The following PACRG variants were observed in gnomAD, a reference collection of about 807,000 sequenced individuals.
The protein encoded by PACRG is parkin coregulated gene protein.
PACRG carries 29 observed loss-of-function variants against 29.7 expected under a neutral mutation model. That is an observed-to-expected ratio of 0.98 (90% CI 0.73 to 1.33). The LOEUF (loss-of-function observed/expected upper bound fraction) is 1.33. Ranked by LOEUF, PACRG falls within the 40% of genes most tolerant of loss-of-function variation. The pLI is 0.00. For missense variants in PACRG, 279 were observed against 316.2 expected (o/e 0.88, Z 0.89); for synonymous variants, 116 against 118.7 (o/e 0.98, Z 0.15).
intron 2 of PACRG, among the ~76,000 whole-genome samples, chr6:162,881,290 C>G (rs946661615): frequency 6.6e-6 from 1 of 152,180 alleles, no homozygotes; most frequent in East Asian, 1.9e-4. Flanking sequence ...CTTAATGAAC[C>G]TGTTTTCCTT....
intron 1 of PACRG, among the ~76,000 whole-genome samples, chr6:162,729,932 T>G (rs1779623378): frequency 6.6e-6 from 1 of 152,144 alleles, no homozygotes; most frequent in Non-Finnish European, 1.5e-5. Context: ...TTGAGATCCA[T>G]TATCTTCTCT....
At chr6:162,764,829 T>G (rs1782656110) in intron 1 of PACRG, among the ~76,000 whole-genome samples, 1 of 151,818 alleles carries the variant, frequency 6.6e-6, no homozygotes, top group Non-Finnish European at 1.5e-5. Context: ...GTGCAACCTC[T>G]GCTTCCTGGG....
At chr6:162,959,959 A>C (rs538047525) in intron 2 of PACRG, among the ~76,000 whole-genome samples, 342 of 152,294 alleles carry the variant, frequency 2.2e-3, no homozygotes, top group Non-Finnish European at 3.5e-3. Flanking sequence ...CATAAACAGA[A>C]ACTTCTCAAA....
chr6:163,074,998 GTA>G (rs1052444692), intron 3 of PACRG, among the ~76,000 whole-genome samples: 1 of 151,202 alleles, frequency 6.6e-6, no homozygotes, highest in Non-Finnish European at 1.5e-5. Context: ...GTCTCAAAAA[GTA>G]TATATATATA....
At chr6:163,169,522 G>A (rs960448576) in intron 4 of PACRG, among the ~76,000 whole-genome samples, 1 of 152,244 alleles carries the variant, frequency 6.6e-6, no homozygotes, top group Non-Finnish European at 1.5e-5. Context: ...ACTGACCAGG[G>A]ATGGGGGAAT....
chr6:163,129,043 T>C (rs749232177), intron 4 of PACRG, among the ~76,000 whole-genome samples: 1 of 149,578 alleles, frequency 6.7e-6, no homozygotes, highest in Middle Eastern at 3.4e-3. Context: ...CTAAAACCCA[T>C]TGATGATTGT....
At chr6:163,212,020 G>T (rs1332222314) in intron 4 of PACRG, among the ~76,000 whole-genome samples, 2 of 152,072 alleles carry the variant, frequency 1.3e-5, no homozygotes, top group South Asian at 4.1e-4. Context: ...CCTGCAAGTG[G>T]GATCAGAATA....
intron 2 of PACRG, among the ~76,000 whole-genome samples, chr6:163,010,691 A>G (rs1051138519): frequency 6.6e-6 from 1 of 152,222 alleles, no homozygotes; most frequent in African/African-American, 2.4e-5. Context: ...AGCATCCACC[A>G]GGATTCTGAA....
intron 3 of PACRG, among the ~76,000 whole-genome samples, chr6:163,088,699 A>T (rs1011263122): frequency 6.6e-6 from 1 of 151,334 alleles, no homozygotes; most frequent in African/African-American, 2.4e-5. Context: ...ACTTTAAAAA[A>T]TTTTGCTTTT....
intron 1 of PACRG, among the ~76,000 whole-genome samples, chr6:162,748,531 T>C (rs1049989301): frequency 3.3e-5 from 5 of 152,080 alleles, no homozygotes; most frequent in African/African-American, 1.2e-4. Flanking sequence ...AAAAAACTTG[T>C]ATTCAGTTTA....
intron 2 of PACRG, among the ~76,000 whole-genome samples, chr6:162,944,848 A>G (rs1490529437): frequency 2.6e-5 from 4 of 152,122 alleles, no homozygotes; most frequent in Admixed American, 2.0e-4. Context: ...AAGTGTCCAA[A>G]TATTTGAAAT....
chr6:163,036,403 C>A (rs1288451912), intron 2 of PACRG, among the ~76,000 whole-genome samples: 1 of 152,156 alleles, frequency 6.6e-6, no homozygotes, highest in Non-Finnish European at 1.5e-5. Context: ...TAACACATAA[C>A]CCTGGAATGA....
rs767222690 is a variant in PACRG at position 163,269,867 on chromosome 6, G to GAGAAAGAA, written c.614-44942_614-44935dup. Among the ~76,000 whole-genome samples, 11 of 56,740 alleles carry GAGAAAGAA rather than the reference G, an allele frequency of 1.9e-4. 2 individuals carry two copies. Among genetic ancestry groups the GAGAAAGAA allele is most frequent in the African/African-American group, 9.1e-4 (11 of 12,086 alleles). The allele number at this position is 56,740 out of a possible 152,430, so 37.2% of individuals were successfully genotyped here. ...AAAGAAAGAAAGAAAGAGAAAGAAA[G>GAGAAAGAA]AGAAAGAAAGAAAGAAAGAAAGAAA... On this transcript the variant is annotated intron_variant, in intron 4 of 4. Transcript: ENST00000366888.
intron 2 of PACRG, among the ~76,000 whole-genome samples, chr6:163,021,290 C>A (rs1806592449): frequency 6.6e-6 from 1 of 152,180 alleles, no homozygotes; most frequent in African/African-American, 2.4e-5. Context: ...CATGTTGGCC[C>A]CCATCTGGGT....
intron 2 of PACRG, among the ~76,000 whole-genome samples, chr6:162,950,170 TA>T (rs1419194400): frequency 6.6e-6 from 1 of 152,194 alleles, no homozygotes; most frequent in African/African-American, 2.4e-5. Flanking sequence ...TTTTATGTAT[TA>T]ACTTTTACTG....
At chr6:163,073,079 C>T (rs1304856808) in intron 3 of PACRG, among the ~76,000 whole-genome samples, 1 of 152,172 alleles carries the variant, frequency 6.6e-6, no homozygotes, top group East Asian at 1.9e-4. Context: ...CTATGACATT[C>T]TTCACAGAAA....
At chr6:163,184,394 A>G (rs904160593) in intron 4 of PACRG, among the ~76,000 whole-genome samples, 1 of 152,210 alleles carries the variant, frequency 6.6e-6, no homozygotes, top group African/African-American at 2.4e-5. Flanking sequence ...GCTCAGTAAC[A>G]CTGCCCCTGA....
intron 2 of PACRG, among the ~76,000 whole-genome samples, chr6:163,012,807 C>T (rs1805737495): frequency 6.6e-6 from 1 of 152,360 alleles, no homozygotes; most frequent in South Asian, 2.1e-4. Flanking sequence ...CTCCGCTTCA[C>T]CTTTGCACCC....
chr6:163,195,227 G>A (rs1206406501), intron 4 of PACRG, among the ~76,000 whole-genome samples: 1 of 152,202 alleles, frequency 6.6e-6, no homozygotes, highest in African/African-American at 2.4e-5. Flanking sequence ...GCATTTGATT[G>A]TTCTCACATT....
Sources: allele counts gnomAD v4.1 joint callset (sites outside exome capture counted in the v4.1 genomes callset), GRCh38; gene constraint gnomAD v4.1.1; transcripts MANE v1.5; gene names NCBI Gene and HGNC (gene_info 2026-07-23, HGNC 2026-07-21).